ADA: variants seen among roughly 807,000 people sequenced by gnomAD.
ADA encodes the protein adenosine aminohydrolase.
Under a neutral mutation model 49.0 loss-of-function variants are expected in ADA, and 45 were observed. The ratio of observed to expected loss-of-function variants is 0.92; its 90% confidence interval spans 0.72 to 1.18. ADA has a LOEUF of 1.18. Ranked by LOEUF, ADA falls within the 50% of genes most tolerant of loss-of-function variation. The pLI, the probability that ADA is intolerant of heterozygous loss-of-function variation, is 0.00. For missense variants in ADA, 445 were observed against 472.5 expected (o/e 0.94, Z 0.54); for synonymous variants, 173 against 184.2 (o/e 0.94, Z 0.49).
At chr20:44,650,625 G>A (rs887461447) in intron 1 of ADA, among the ~76,000 whole-genome samples, 2 of 151,854 alleles carry the variant, frequency 1.3e-5, no homozygotes, top group Admixed American at 6.6e-5. Context: ...GGAGAGACGG[G>A]GTCTAGTTTT....
chr20:44,621,531 G>C (rs2065332026), intron 9 of ADA, among the ~76,000 whole-genome samples: 1 of 152,140 alleles, frequency 6.6e-6, no homozygotes, highest in African/African-American at 2.4e-5. Context: ...CCCACTGGGA[G>C]CTGGCTACTC....
In ADA at chr20:44,619,756, G is replaced by T; in HGVS notation, c.*78C>A. ...ATTGAGATCATGGTCTTCTTGGAAG[G>T]AATAAATGTAAAAATGTTGCTCAGC... On this transcript the variant is annotated 3_prime_UTR_variant, in exon 12 of 12. Transcript: ENST00000372874. The T allele has an allele frequency of 6.4e-7, 1 of 1,567,622 alleles. No individual in the cohort carries two copies. The highest frequency in any genetic ancestry group is 8.8e-7 in the Non-Finnish European group (1 of 1,137,950).
chr20:44,622,517 A>G (rs980910728), intron 9 of ADA, 71 bp downstream of exon 9: 48 of 1,573,030 alleles, frequency 3.1e-5, no homozygotes, highest in South Asian at 1.2e-4. Context: ...CTGATGCCCA[A>G]TCCCTAAAGT....
At chr20:44,626,292 CTT>C (rs2065381509) in intron 4 of ADA, 162 bp downstream of exon 4, 1 of 959,102 alleles carries the variant, frequency 1.0e-6, no homozygotes, top group African/African-American at 1.6e-5. Context: ...AACCACGTCT[CTT>C]GTGACAGAGT....
intron 2 of ADA, among the ~76,000 whole-genome samples, chr20:44,630,572 G>T (rs73113338): frequency 1.3e-5 from 2 of 152,302 alleles, no homozygotes; most frequent in Non-Finnish European, 2.9e-5. Flanking sequence ...GGCAGCAACT[G>T]TCACGATGTA....
At chr20:44,620,457 T>C in intron 10 of ADA, 56 bp from the exon 11 acceptor site, 1 of 1,442,324 alleles carries the variant, frequency 6.9e-7, no homozygotes, top group Non-Finnish European at 9.8e-7. Flanking sequence ...AAGGCAGCTC[T>C]TAGCAATGTA....
intron 1 of ADA, among the ~76,000 whole-genome samples, chr20:44,647,168 C>T (rs1300858831): frequency 1.3e-5 from 2 of 152,094 alleles, no homozygotes; most frequent in African/African-American, 4.8e-5. Context: ...GGTGCGGTGG[C>T]TCATGCCTGT....
chr20:44,651,569 G>C lies in ADA; in HGVS notation c.33+6C>G. ...CCCCGTCCCCGGAGCCCCCGCGCGC[G>C]CTCACTTTGGGCTTGTCGAAGGCGG... On this transcript the variant is annotated splice_donor_region_variant and intron_variant, in intron 1 of 11. Transcript: ENST00000372874. 1.3e-6 allele frequency: 2 copies of C among 1,537,386 alleles called. No individual in the cohort carries two copies. The highest frequency in any genetic ancestry group is 1.7e-6 in the Non-Finnish European group (2 of 1,148,690).
At chr20:44,627,735 G>T (rs889523912) in intron 3 of ADA, among the ~76,000 whole-genome samples, 1 of 152,192 alleles carries the variant, frequency 6.6e-6, no homozygotes, top group Non-Finnish European at 1.5e-5. Flanking sequence ...GCAGGGAAGA[G>T]AAATGAGAGA....
chr20:44,630,243 G>T (rs1258265184), intron 2 of ADA, among the ~76,000 whole-genome samples: 1 of 151,826 alleles, frequency 6.6e-6, no homozygotes, highest in African/African-American at 2.4e-5. Flanking sequence ...TACTCAGGAG[G>T]CTGAGGCAGG....
chr20:44,641,192 G>GTTA (rs1428236593), intron 1 of ADA, among the ~76,000 whole-genome samples: 1 of 152,132 alleles, frequency 6.6e-6, no homozygotes, highest in Non-Finnish European at 1.5e-5. Flanking sequence ...TTAGGAGCAC[G>GTTA]GGAAGTTCTG....
At chr20:44,629,434 G>A (rs995928938) in intron 2 of ADA, among the ~76,000 whole-genome samples, 3 of 152,272 alleles carry the variant, frequency 2.0e-5, no homozygotes, top group Admixed American at 2.0e-4. Flanking sequence ...GTGTGTGTGT[G>A]TGTGTATGTG....
At chr20:44,641,300 C>G (rs2065531573) in intron 1 of ADA, among the ~76,000 whole-genome samples, 1 of 152,040 alleles carries the variant, frequency 6.6e-6, no homozygotes, top group Non-Finnish European at 1.5e-5. Flanking sequence ...AACACGTAGT[C>G]AAGATTGGGA....
intron 1 of ADA, among the ~76,000 whole-genome samples, chr20:44,648,370 G>T (rs1182153083): frequency 6.6e-6 from 1 of 152,080 alleles, no homozygotes; most frequent in Non-Finnish European, 1.5e-5. Context: ...TCTGAGCGAA[G>T]GAATCCAAGA....
Position 44,637,127 on chromosome 20 carries a change from A to T in ADA, c.34-839T>A, listed in dbSNP as rs990979076. On this transcript the variant is annotated intron_variant, in intron 1 of 11. Coordinates refer to ENST00000372874, the MANE Select transcript of ADA (RefSeq NM_000022.4). ...ACCCAGGCTCCATTTTCAAAAGCAG[A>T]TGCTACTCAAGCATAGCCTATCAGG... is the stretch of plus-strand genomic sequence containing the variant. 3.3e-5 allele frequency among the ~76,000 whole-genome samples: 5 copies of T among 152,152 alleles called. 1 individual carries two copies. Among genetic ancestry groups the T allele is most frequent in the Admixed American group, 3.3e-4 (5 of 15,272 alleles).
At position 44,626,450 on chromosome 20, in the gene ADA, A is replaced by T; in HGVS notation, c.362+6T>A. ...CAGCATGGCCCCTTCCAGGCCCATC[A>T]CTCACTCAGCCTGGTTCCAGGGGAT... On this transcript the variant is annotated splice_donor_region_variant and intron_variant, in intron 4 of 11. Transcript: ENST00000372874. The T allele has an allele frequency of 6.2e-7, 1 of 1,613,576 alleles. No homozygotes were observed. Among genetic ancestry groups the T allele is most frequent in the Non-Finnish European group, 8.5e-7 (1 of 1,179,978 alleles).
rs7262528 is a variant in ADA at position 44,628,373 on chromosome 20, A to T, written c.218+674T>A. On this transcript the variant is annotated intron_variant, in intron 3 of 11. Coordinates refer to ENST00000372874, the MANE Select transcript of ADA (RefSeq NM_000022.4). Reference sequence around the variant, plus strand: ...AACCCCATCTCTACTAAAAATACAAAACCATTAGTTGGGTGTGATGGTGGG... The same window carrying T: ...AACCCCATCTCTACTAAAAATACAATACCATTAGTTGGGTGTGATGGTGGG... Among the ~76,000 whole-genome samples, 255 of 152,128 alleles carry T rather than the reference A, an allele frequency of 1.7e-3. 2 individuals carry two copies. Among genetic ancestry groups the T allele is most frequent in the African/African-American group, 6.0e-3 (250 of 41,506 alleles).
chr20:44,628,592 C>T (rs1447920315), intron 3 of ADA, among the ~76,000 whole-genome samples: 4 of 152,028 alleles, frequency 2.6e-5, no homozygotes, highest in South Asian at 4.1e-4. Flanking sequence ...CTCTAGTACT[C>T]GCCCATACCC....
intron 1 of ADA, among the ~76,000 whole-genome samples, chr20:44,648,166 C>T (rs1404959385): frequency 6.6e-6 from 1 of 152,104 alleles, no homozygotes; most frequent in Admixed American, 6.5e-5. Flanking sequence ...TGCCTGAGTG[C>T]CTGGTGCCAC....
Sources: gnomAD v4.1 joint callset for allele counts (sites outside exome capture counted in the v4.1 genomes callset) on GRCh38, gnomAD v4.1.1 for gene constraint, MANE v1.5 for transcripts, NCBI Gene and HGNC (gene_info 2026-07-23, HGNC 2026-07-21) for gene names.